The following MTBP variants were observed in gnomAD, a reference collection of about 807,000 sequenced individuals.
MTBP encodes MDM2 binding protein.
Under a neutral mutation model 117.0 loss-of-function variants are expected in MTBP, and 101 were observed. That is an observed-to-expected ratio of 0.86 (90% CI 0.73 to 1.02). MTBP has a LOEUF of 1.02. MTBP is among the 50% of genes least tolerant of loss of function. The pLI, the probability that MTBP is intolerant of heterozygous loss-of-function variation, is 0.00. For missense variants in MTBP, 970 were observed against 1,030.9 expected (o/e 0.94, Z 0.81); for synonymous variants, 350 against 351.5 (o/e 1.00, Z 0.05).
intron 11 of MTBP, among the ~76,000 whole-genome samples, chr8:120,475,600 A>G (rs1035545543): frequency 6.6e-6 from 1 of 152,024 alleles, no homozygotes; most frequent in African/African-American, 2.4e-5. Flanking sequence ...TGGACAAACA[A>G]TGCCCAATTT....
intron 17 of MTBP, among the ~76,000 whole-genome samples, chr8:120,513,769 C>G (rs1814862473): frequency 6.6e-6 from 1 of 151,970 alleles, no homozygotes; most frequent in Non-Finnish European, 1.5e-5. Context: ...TGCCTCTTGC[C>G]AGACTCTTGA....
chr8:120,520,234 A>G (rs1814990440), intron 20 of MTBP, among the ~76,000 whole-genome samples: 1 of 152,178 alleles, frequency 6.6e-6, no homozygotes, highest in African/African-American at 2.4e-5. Context: ...AGATAATCGC[A>G]TCCATAAAAC....
At chr8:120,459,388 T>C (rs1445047953) in intron 8 of MTBP, 39 bp downstream of exon 8, 3 of 1,566,836 alleles carry the variant, frequency 1.9e-6, no homozygotes, top group Non-Finnish European at 2.6e-6. Context: ...CATTCATGTG[T>C]ATTTTTGTTC....
At chr8:120,470,758 T>G in intron 10 of MTBP, 62 bp from the exon 11 acceptor site, 1 of 1,188,472 alleles carries the variant, frequency 8.4e-7, no homozygotes, top group Non-Finnish European at 1.2e-6. Flanking sequence ...AATTGTCAAC[T>G]GGCACTATTC....
chr8:120,474,452 T>C (rs1307201318), intron 11 of MTBP, among the ~76,000 whole-genome samples: 1 of 151,960 alleles, frequency 6.6e-6, no homozygotes, highest in East Asian at 1.9e-4. Context: ...GAAAACTTCC[T>C]ATCCCTTCCT....
At chr8:120,506,923 G>A (rs1814698666) in intron 16 of MTBP, 62 bp downstream of exon 16, 2 of 1,403,998 alleles carry the variant, frequency 1.4e-6, no homozygotes, top group South Asian at 1.5e-5. Flanking sequence ...ATAAAATTGT[G>A]TCTCATTTCC....
intron 11 of MTBP, among the ~76,000 whole-genome samples, chr8:120,480,711 A>G (rs1027501829): frequency 1.3e-5 from 2 of 152,086 alleles, no homozygotes; most frequent in African/African-American, 4.8e-5. Flanking sequence ...ATATGTATTT[A>G]GACTTTTACT....
At chr8:120,470,759 G>T (rs1473881448) in intron 10 of MTBP, 61 bp from the exon 11 acceptor site, 3 of 1,186,616 alleles carry the variant, frequency 2.5e-6, no homozygotes. Context: ...ATTGTCAACT[G>T]GCACTATTCA....
At chr8:120,448,579 G>A (rs1316726730) in intron 2 of MTBP, among the ~76,000 whole-genome samples, 2 of 152,152 alleles carry the variant, frequency 1.3e-5, no homozygotes, top group Non-Finnish European at 2.9e-5. Context: ...AATCAATGAC[G>A]TACTTTAAAA....
intron 5 of MTBP, among the ~76,000 whole-genome samples, 195 bp from the exon 6 acceptor site, chr8:120,455,240 A>G (rs1563784393): frequency 6.6e-6 from 1 of 152,020 alleles, no homozygotes; most frequent in Admixed American, 6.5e-5. Flanking sequence ...AACATTTAAA[A>G]AGTTTGAATT....
chr8:120,500,684 C>G (rs1814565007), intron 14 of MTBP, among the ~76,000 whole-genome samples: 2 of 152,168 alleles, frequency 1.3e-5, no homozygotes, highest in South Asian at 2.1e-4. Context: ...TTAAACTATT[C>G]AAGGTTAAAT....
intron 2 of MTBP, among the ~76,000 whole-genome samples, chr8:120,447,334 G>A (rs569405386): frequency 6.6e-6 from 1 of 152,130 alleles, no homozygotes; most frequent in East Asian, 1.9e-4. Flanking sequence ...TTTCTAATAT[G>A]TGTATGCTAC....
chr8:120,510,126 A>AG, intron 17 of MTBP, 97 bp downstream of exon 17: 1 of 878,178 alleles, frequency 1.1e-6, no homozygotes, highest in Non-Finnish European at 1.7e-6. Flanking sequence ...ATTGAGACAG[A>AG]GACCAAGAGG....
intron 9 of MTBP, among the ~76,000 whole-genome samples, chr8:120,463,174 T>A (rs1813616383): frequency 6.6e-6 from 1 of 152,172 alleles, no homozygotes; most frequent in Non-Finnish European, 1.5e-5. Context: ...AAAAAATGTT[T>A]AAATGTTTCT....
chr8:120,498,161 C>A (rs1325869056), intron 14 of MTBP, among the ~76,000 whole-genome samples: 2 of 152,106 alleles, frequency 1.3e-5, no homozygotes, highest in Admixed American at 1.3e-4. Flanking sequence ...TGTCTTTAGG[C>A]AAGTTATTCA....
At chr8:120,483,814 T>C (rs990782553) in intron 11 of MTBP, among the ~76,000 whole-genome samples, 3 of 152,138 alleles carry the variant, frequency 2.0e-5, no homozygotes, top group African/African-American at 7.2e-5. Flanking sequence ...CAAATAATAA[T>C]GTAAGTAAAC....
At chr8:120,517,746 T>C in intron 18 of MTBP, 105 bp from the exon 19 acceptor site, 1 of 1,166,720 alleles carries the variant, frequency 8.6e-7, no homozygotes, top group Non-Finnish European at 1.2e-6. Context: ...TGAACTTCGA[T>C]GTTGATTCAC....
intron 16 of MTBP, among the ~76,000 whole-genome samples, chr8:120,508,292 CAT>C (rs747347604): frequency 2.0e-5 from 3 of 152,004 alleles, no homozygotes; most frequent in Non-Finnish European, 2.9e-5. Context: ...TGACAAAACA[CAT>C]ATTTATCAAC....
chr8:120,446,864 CATTT>C (rs748199086), intron 2 of MTBP, among the ~76,000 whole-genome samples: 14 of 152,054 alleles, frequency 9.2e-5, no homozygotes, highest in Admixed American at 2.0e-4. Context: ...ATTTCCTTAC[CATTT>C]ATTTATTTAT....
Sources: allele counts gnomAD v4.1 joint callset (sites outside exome capture counted in the v4.1 genomes callset), GRCh38; gene constraint gnomAD v4.1.1; transcripts MANE v1.5; gene names NCBI Gene and HGNC (gene_info 2026-07-23, HGNC 2026-07-21).